The following MME variants were observed in gnomAD, a reference collection of about 807,000 sequenced individuals.
MME encodes the protein neprilysin.
In MME, 98 loss-of-function variants were observed where a neutral mutation model predicts 113.2. The ratio of observed to expected loss-of-function variants is 0.87; its 90% confidence interval spans 0.74 to 1.02. The LOEUF (loss-of-function observed/expected upper bound fraction) is 1.02. Ranked by LOEUF, MME falls within the 50% of genes least tolerant of loss-of-function variation. MME has a pLI of 0.00. For missense variants in MME, 836 were observed against 896.0 expected (o/e 0.93, Z 0.86); for synonymous variants, 292 against 300.6 (o/e 0.97, Z 0.30).
At chr3:155,170,513 T>C (rs182463577) in intron 20 of MME, among the ~76,000 whole-genome samples, 4 of 152,358 alleles carry the variant, frequency 2.6e-5, no homozygotes, top group Admixed American at 2.0e-4. Context: ...GACATTATTC[T>C]CAACTGCTGA....
rs1713012007 is a variant in MME at position 155,180,736 on chromosome 3, A to T, written c.*277A>T. 2.6e-6 allele frequency: 1 copy of T among 388,310 alleles called. No individual in the cohort carries two copies. Among genetic ancestry groups the T allele is most frequent in the Non-Finnish European group, 4.9e-6 (1 of 204,148 alleles). The allele number at this position is 388,310 out of a possible 1,614,324, so 24.1% of individuals were successfully genotyped here. A position where few individuals can be genotyped will look rare whatever the true frequency, so the allele number is the denominator to read the frequency against. ...ATTACTGTTTATTTCTGTTTCTCAT[A>T]TGGTCTACCAGTTTGCTGATGTCCC... On this transcript the variant is annotated 3_prime_UTR_variant, in exon 23 of 23. Transcript: ENST00000360490.
At chr3:155,110,433 C>T (rs961876468) in intron 3 of MME, among the ~76,000 whole-genome samples, 3 of 152,220 alleles carry the variant, frequency 2.0e-5, no homozygotes, top group Non-Finnish European at 4.4e-5. Flanking sequence ...ATCTCCCAAT[C>T]CATACACACA....
intron 3 of MME, among the ~76,000 whole-genome samples, chr3:155,109,917 G>A (rs1409501149): frequency 6.6e-6 from 1 of 152,190 alleles, no homozygotes; most frequent in African/African-American, 2.4e-5. Context: ...ATGCACCCCT[G>A]CATGGGCCTT....
intron 1 of MME, among the ~76,000 whole-genome samples, chr3:155,055,016 T>C (rs552877080): frequency 6.6e-6 from 1 of 152,340 alleles, no homozygotes; most frequent in South Asian, 2.1e-4. Context: ...CATCTATCTA[T>C]ATGTATGGTA....
intron 20 of MME, 80 bp from the exon 21 acceptor site, chr3:155,172,037 G>T: frequency 1.2e-6 from 1 of 813,444 alleles, no homozygotes; most frequent in Non-Finnish European, 2.1e-6. Flanking sequence ...TTAATTACTT[G>T]GTGGCATGAT....
At chr3:155,041,397 A>G (rs1432425247) in intron 1 of MME, among the ~76,000 whole-genome samples, 3 of 152,210 alleles carry the variant, frequency 2.0e-5, no homozygotes, top group African/African-American at 7.2e-5. Flanking sequence ...ATTTGTTAAA[A>G]GGGTGGATTT....
chr3:155,062,838 C>T (rs1183473555), intron 1 of MME, among the ~76,000 whole-genome samples: 1 of 151,610 alleles, frequency 6.6e-6, no homozygotes, highest in African/African-American at 2.4e-5. Flanking sequence ...GAGTTCGAGA[C>T]CACCCTGGCC....
chr3:155,046,025 A>G (rs1713545429), intron 1 of MME, among the ~76,000 whole-genome samples: 1 of 152,010 alleles, frequency 6.6e-6, no homozygotes. Context: ...TATGTCTTTC[A>G]CCAAATTTGG....
Position 155,138,219 on chromosome 3 carries a change from G to A in MME, c.838G>A (p.Glu280Lys). ...GGAAATGAATAAAGTTATGGAATTG[G>A]AAAAAGAAATTGCCAATGTAAAACA... is the stretch of plus-strand genomic sequence containing the variant. ...ALEMNKVMEL[E>K]KEIANATAKP... Residue 280 changes from glutamate to lysine, a missense_variant, in exon 9 of 23, where the codon GAA becomes AAA. By Grantham distance (56) the Glu-to-Lys change is moderately conservative. Coordinates refer to ENST00000360490, the MANE Select transcript of MME (RefSeq NM_007289.4). 1 of 1,613,456 alleles carries A rather than the reference G, an allele frequency of 6.2e-7. No homozygotes were observed. Among genetic ancestry groups the A allele is most frequent in the South Asian group, 1.1e-5 (1 of 91,062 alleles).
At chr3:155,070,393 G>A (rs1349526429) in intron 1 of MME, among the ~76,000 whole-genome samples, 2 of 152,184 alleles carry the variant, frequency 1.3e-5, no homozygotes, top group Non-Finnish European at 2.9e-5. Flanking sequence ...AAGCCACTAT[G>A]TACATACATC....
intron 3 of MME, among the ~76,000 whole-genome samples, chr3:155,091,028 A>T (rs947864313): frequency 2.6e-5 from 4 of 152,216 alleles, no homozygotes; most frequent in Non-Finnish European, 5.9e-5. Context: ...CATGGGGGCT[A>T]CTGGCCCTGT....
intron 3 of MME, among the ~76,000 whole-genome samples, chr3:155,093,748 C>T (rs905490350): frequency 1.3e-5 from 2 of 151,138 alleles, no homozygotes; most frequent in Admixed American, 6.6e-5. Context: ...TCCAGCTACT[C>T]GGGAGGCTGA....
intron 16 of MME, among the ~76,000 whole-genome samples, chr3:155,151,682 A>G (rs796515343): frequency 2.0e-4 from 30 of 152,310 alleles, no homozygotes; most frequent in African/African-American, 6.7e-4. Context: ...CAAGACAGAA[A>G]CCAAGGACTC....
intron 1 of MME, among the ~76,000 whole-genome samples, chr3:155,031,957 C>A (rs1432831832): frequency 3.9e-5 from 6 of 152,202 alleles, no homozygotes; most frequent in African/African-American, 1.4e-4. Context: ...TCGCACCCGG[C>A]CACCAGCTTT....
At chr3:155,138,054 G>A in intron 8 of MME, 48 bp from the exon 9 acceptor site, 2 of 1,600,724 alleles carry the variant, frequency 1.2e-6, no homozygotes, top group Non-Finnish European at 1.7e-6. Context: ...GTACCATGAT[G>A]AATATTTAGA....
intron 3 of MME, among the ~76,000 whole-genome samples, chr3:155,086,820 T>C (rs1715769765): frequency 6.6e-6 from 1 of 152,084 alleles, no homozygotes; most frequent in South Asian, 2.1e-4. Flanking sequence ...TATTTATTTA[T>C]TTGAGGCAGG....
intron 1 of MME, among the ~76,000 whole-genome samples, chr3:155,025,623 C>CA (rs565613508): frequency 0.077 from 5,704 of 73,912 alleles, 399 homozygotes; most frequent in African/African-American, 0.22. Flanking sequence ...GACCCTGTCT[C>CA]AAAAAAAAAA....
Position 155,115,038 on chromosome 3 carries a change from A to G in MME, c.241A>G (p.Thr81Ala). The change falls in exon 4 of 23, where the codon ACA (threonine) becomes GCA (alanine). Residue 81 changes from threonine (T) to alanine (A), a missense_variant. Transcript: ENST00000360490. The part of the protein sequence containing the change: ...QNMDATTEPC[T>A]DFFKYACGGW... ...CATGGATGCCACCACTGAGCCTTGT[A>G]CAGACTTTTTCAAATATGCTTGCGG... 1 of 1,614,130 alleles carries G rather than the reference A, an allele frequency of 6.2e-7. No individual in the cohort carries two copies. Among genetic ancestry groups the G allele is most frequent in the Non-Finnish European group, 8.5e-7 (1 of 1,180,006 alleles).
intron 1 of MME, among the ~76,000 whole-genome samples, chr3:155,045,908 G>A (rs543700714): frequency 1.7e-4 from 26 of 152,014 alleles, no homozygotes; most frequent in African/African-American, 6.0e-4. Context: ...AGATTTATCT[G>A]TTCATTATAA....
Sources: allele counts gnomAD v4.1 joint callset (sites outside exome capture counted in the v4.1 genomes callset), GRCh38; gene constraint gnomAD v4.1.1; transcripts MANE v1.5; gene names NCBI Gene and HGNC (gene_info 2026-07-23, HGNC 2026-07-21).